Variants in SMG9 observed in about 807,000 individuals in gnomAD.
SMG9 encodes SMG9 nonsense mediated mRNA decay factor, also known as nonsense-mediated mRNA decay factor SMG9.
A neutral mutation model predicts 64.0 loss-of-function variants in SMG9; 55 were observed. That is an observed-to-expected ratio of 0.86 (90% CI 0.69 to 1.08). The LOEUF (loss-of-function observed/expected upper bound fraction) is 1.08. Ranked by LOEUF, SMG9 falls within the 50% of genes least tolerant of loss-of-function variation. SMG9 has a pLI of 0.00. For missense variants in SMG9, 554 were observed against 681.3 expected (o/e 0.81, Z 2.08); for synonymous variants, 244 against 254.8 (o/e 0.96, Z 0.41).
At position 43,730,658 on chromosome 19, in the gene SMG9, G is replaced by A. The variant is rs1968451324; in HGVS notation, c.*938C>T. On this transcript the variant is annotated 3_prime_UTR_variant, in exon 14 of 14. Coordinates refer to ENST00000270066, the MANE Select transcript of SMG9 (RefSeq NM_019108.4). ...GGCTCACTGCAACCTCTGCCTCCCGGGTTCAAGCAGTTCTCCCACCTCAGC... is the reference window on the plus strand; with the variant it reads ...GGCTCACTGCAACCTCTGCCTCCCGAGTTCAAGCAGTTCTCCCACCTCAGC... 1 of 152,120 alleles carries A rather than the reference G, an allele frequency of 6.6e-6. No homozygotes were observed. Among genetic ancestry groups the A allele is most frequent in the Non-Finnish European group, 1.5e-5 (1 of 68,066 alleles). 9.4% of individuals were successfully genotyped at this position (152,120 alleles called of 1,614,324 possible). A position where few individuals can be genotyped will look rare whatever the true frequency, so the allele number is the denominator to read the frequency against.
At chr19:43,735,944 T>C (rs772740482) in intron 9 of SMG9, among the ~76,000 whole-genome samples, 21 of 152,202 alleles carry the variant, frequency 1.4e-4, no homozygotes, top group Non-Finnish European at 2.4e-4. Flanking sequence ...TTTATCTGTT[T>C]TGTTCACACC....
chr19:43,737,500 C>G (rs1203742617), intron 9 of SMG9, 97 bp downstream of exon 9: 1 of 1,070,346 alleles, frequency 9.3e-7, no homozygotes. Context: ...AAAAGGATCC[C>G]TCTGGCTGCT....
In SMG9 at chr19:43,731,299, C is replaced by G; in HGVS notation, c.*297G>C. The G allele has an allele frequency of 8.4e-7, 1 of 1,187,428 alleles. No homozygotes were observed. Among genetic ancestry groups the G allele is most frequent in the South Asian group, 2.7e-5 (1 of 37,246 alleles). 73.6% of individuals were successfully genotyped at this position (1,187,428 alleles called of 1,614,324 possible). On this transcript the variant is annotated 3_prime_UTR_variant, in exon 14 of 14. Coordinates refer to ENST00000270066, the MANE Select transcript of SMG9 (RefSeq NM_019108.4). ...TGAAAAAGGAGGTCAAGATGGAGCC[C>G]GGGCTTCCTGGTGACCATTCAGACT...
chr19:43,754,578 G>T (rs1435328816), intron 1 of SMG9, 76 bp downstream of exon 1: 2 of 152,208 alleles, frequency 1.3e-5, no homozygotes, highest in East Asian at 3.9e-4. Context: ...CAATGGCCAA[G>T]GCGGGGGCGG....
intron 2 of SMG9, among the ~76,000 whole-genome samples, chr19:43,749,909 T>C (rs1969140646): frequency 6.6e-6 from 1 of 152,206 alleles, no homozygotes; most frequent in Non-Finnish European, 1.5e-5. Flanking sequence ...CCTTCACCTC[T>C]GGGGCTCATT....
chr19:43,739,025 C>T (rs1880913667), intron 7 of SMG9, among the ~76,000 whole-genome samples: 1 of 152,224 alleles, frequency 6.6e-6, no homozygotes, highest in African/African-American at 2.4e-5. Flanking sequence ...AGGCCCTGTG[C>T]CCCAGCTCTC....
intron 13 of SMG9, chr19:43,732,651 T>C (rs752254637): frequency 1.6e-6 from 1 of 618,094 alleles, no homozygotes; most frequent in Non-Finnish European, 2.8e-6. Context: ...GCTGGCTGAT[T>C]AGGAGGATTC....
chr19:43,754,951 C>T lies in SMG9; in HGVS notation c.-304G>A, dbSNP rs1039319641. 6.6e-6 allele frequency: 1 copy of T among 152,260 alleles called. No individual in the cohort carries two copies. Among genetic ancestry groups the T allele is most frequent in the Non-Finnish European group, 1.5e-5 (1 of 68,072 alleles). The allele number at this position is 152,260 out of a possible 1,614,324, so 9.4% of individuals were successfully genotyped here. A position where few individuals can be genotyped will look rare whatever the true frequency, so the allele number is the denominator to read the frequency against. On this transcript the variant is annotated 5_prime_UTR_variant, in exon 1 of 14. Transcript: ENST00000270066. ...TGCGCATGCGCTGAGGGCTGGAGCT[C>T]GAGAACTGAATGCGCTCGCCGGGCT...
At chr19:43,735,634 A>AAAAAAAAAAC (rs1968640085) in intron 9 of SMG9, among the ~76,000 whole-genome samples, 1 of 149,884 alleles carries the variant, frequency 6.7e-6, no homozygotes, top group Non-Finnish European at 1.5e-5. Flanking sequence ...AAAAAAAAAA[A>AAAAAAAAAAC]AAAAATCTGT....
In SMG9 at chr19:43,731,511, C is replaced by T; in HGVS notation, c.*85G>A. ...CCATCAGGCCTGCTGCCGCTCTCCA[C>T]CCCAGCGGGGGATGGACATCTGTGC... On this transcript the variant is annotated 3_prime_UTR_variant, in exon 14 of 14. Coordinates refer to ENST00000270066, the MANE Select transcript of SMG9 (RefSeq NM_019108.4). 1.3e-6 allele frequency: 2 copies of T among 1,589,300 alleles called. No individual in the cohort carries two copies. The highest frequency in any genetic ancestry group is 2.3e-5 in the East Asian group (1 of 44,304).
At chr19:43,740,761 A>G (rs894183212) in intron 6 of SMG9, among the ~76,000 whole-genome samples, 1 of 151,370 alleles carries the variant, frequency 6.6e-6, no homozygotes, top group Non-Finnish European at 1.5e-5. Context: ...ACAGTGAGAG[A>G]GAGTTTGGGT....
At chr19:43,739,913 C>T (rs1968792255) in intron 7 of SMG9, 194 bp downstream of exon 7, 1 of 595,598 alleles carries the variant, frequency 1.7e-6, no homozygotes, top group African/African-American at 1.9e-5. Flanking sequence ...GTGTAGAAGG[C>T]GAATGAGATG....
chr19:43,750,189 C>G (rs561974838), intron 2 of SMG9: 1 of 525,418 alleles, frequency 1.9e-6, no homozygotes, highest in South Asian at 1.4e-5. Flanking sequence ...ATGATTTGGC[C>G]CCAGTTACTT....
intron 7 of SMG9, 107 bp downstream of exon 7, chr19:43,740,000 G>T: frequency 1.2e-6 from 1 of 836,962 alleles, no homozygotes; most frequent in South Asian, 1.4e-5. Context: ...TCCATGGCTT[G>T]ACTGGAAGCA....
rs546678312 is a variant in SMG9, at chr19:43,745,670, C to A, written c.589-786G>T. On this transcript the variant is annotated intron_variant, in intron 5 of 13. Coordinates refer to ENST00000270066, the MANE Select transcript of SMG9 (RefSeq NM_019108.4). ...TCGCTTGAGGCCAGGAGTTCAAGACCAGCCTGGCCAACATGGTGAAACTCC... is the reference window on the plus strand; with the variant it reads ...TCGCTTGAGGCCAGGAGTTCAAGACAAGCCTGGCCAACATGGTGAAACTCC... Among the ~76,000 whole-genome samples the A allele has an allele frequency of 3.3e-5, 5 of 152,280 alleles. No individual in the cohort carries two copies. In the South Asian group the frequency reaches 1.0e-3, roughly 32 times the overall value.
intron 6 of SMG9, among the ~76,000 whole-genome samples, chr19:43,742,553 T>C (rs905895920): frequency 1.1e-4 from 16 of 152,272 alleles, no homozygotes; most frequent in African/African-American, 3.9e-4. Context: ...TTTTGTTTAC[T>C]ATCTTCCCTA....
chr19:43,748,743 G>T, intron 2 of SMG9: 1 of 520,190 alleles, frequency 1.9e-6, no homozygotes, highest in South Asian at 1.4e-5. Context: ...GGTTCCTTGA[G>T]TAACCTCATG....
In SMG9 at chr19:43,744,842, C is replaced by T; in HGVS notation, c.631G>A (p.Gly211Ser). Residue 211 changes from glycine (G) to serine (S), a missense_variant, in exon 6 of 14, where the codon GGC becomes AGC. Gly to Ser is a moderately conservative substitution (Grantham distance 56). Coordinates refer to ENST00000270066, the MANE Select transcript of SMG9 (RefSeq NM_019108.4). ...ATGGACTTGCCTGTCCCCTGGAGGCCCAGGACACCAACCACCAACACATCA... is the reference window on the plus strand; with the variant it reads ...ATGGACTTGCCTGTCCCCTGGAGGCTCAGGACACCAACCACCAACACATCA... ...QTDVLVVGVL[G>S]LQGTGKSMVM... 6.2e-7 allele frequency: 1 copy of T among 1,613,944 alleles called. No individual in the cohort carries two copies. The highest frequency in any genetic ancestry group is 8.5e-7 in the Non-Finnish European group (1 of 1,179,912).
intron 6 of SMG9, among the ~76,000 whole-genome samples, chr19:43,741,962 A>G (rs567498104): frequency 1.3e-5 from 2 of 152,176 alleles, no homozygotes; most frequent in Admixed American, 1.3e-4. Context: ...AGCTTGGCCA[A>G]CATGGTGAAA....
Sources: allele counts gnomAD v4.1 joint callset (sites outside exome capture counted in the v4.1 genomes callset), GRCh38; gene constraint gnomAD v4.1.1; transcripts MANE v1.5; gene names NCBI Gene and HGNC (gene_info 2026-07-23, HGNC 2026-07-21).